ANXA4: variants seen among roughly 807,000 people sequenced by gnomAD.
The protein encoded by ANXA4 is annexin A4.
Under a neutral mutation model 49.8 loss-of-function variants are expected in ANXA4, and 39 were observed. That is an observed-to-expected ratio of 0.78 (90% confidence interval 0.61 to 1.02). The LOEUF is 1.02. Among genes scored for constraint, ANXA4 ranks in the 50% least tolerant of loss-of-function variants. The probability of loss-of-function intolerance (pLI) is 0.00; values close to 1 mark genes in which losing one functional copy is unlikely to be tolerated. For synonymous variants in ANXA4, 134 were observed against 152.5 expected, an observed-to-expected ratio of 0.88 and a Z score of 0.89; for missense variants, 360 against 410.1, an observed-to-expected ratio of 0.88 and a Z score of 1.05.
At chr2:69,697,686 C>A (rs992795639) in intron 2 of ANXA4, among the ~76,000 whole-genome samples, 4 of 152,114 alleles carry the variant, frequency 2.6e-5, no homozygotes, top group Non-Finnish European at 5.9e-5. Flanking sequence ...CACTGAGAGG[C>A]CATCGTAGGG....
chr2:69,722,764 A>G (rs1223543930), intron 3 of ANXA4, among the ~76,000 whole-genome samples: 5 of 152,150 alleles, frequency 3.3e-5, no homozygotes, highest in Admixed American at 1.3e-4. Flanking sequence ...TTAAAACGGC[A>G]AATTTTATGT....
At chr2:69,689,958 A>T in intron 2 of ANXA4, among the ~76,000 whole-genome samples, 1 of 152,062 alleles carries the variant, frequency 6.6e-6, no homozygotes, top group Non-Finnish European at 1.5e-5. Flanking sequence ...TCATATATCA[A>T]ATTCTCTCTT....
chr2:69,643,976 G>A (rs1451973708), upstream of ANXA4: 9 of 871,110 alleles, frequency 1.0e-5, no homozygotes, highest in Non-Finnish European at 1.3e-5. Flanking sequence ...CCGAGCCGCA[G>A]GGCAAGCTGG....
intron 3 of ANXA4, among the ~76,000 whole-genome samples, chr2:69,724,496 A>G (rs1476761155): frequency 6.6e-6 from 1 of 152,182 alleles, no homozygotes; most frequent in African/African-American, 2.4e-5. Context: ...TTGTGTCCCC[A>G]GCTGTCACCA....
At chr2:69,804,910 T>G (rs927096789) in intron 4 of ANXA4, among the ~76,000 whole-genome samples, 1 of 151,950 alleles carries the variant, frequency 6.6e-6, no homozygotes, top group African/African-American at 2.4e-5. Flanking sequence ...TAGCCGGGCA[T>G]GGTGCTGAGC....
chr2:69,799,234 C>G (rs1573282090), intron 3 of ANXA4, among the ~76,000 whole-genome samples: 1 of 152,222 alleles, frequency 6.6e-6, no homozygotes, highest in East Asian at 1.9e-4. Flanking sequence ...TGTGTCTGTT[C>G]CCATACATCT....
At chr2:69,797,868 C>A (rs1158396410) in intron 3 of ANXA4, among the ~76,000 whole-genome samples, 1 of 152,204 alleles carries the variant, frequency 6.6e-6, no homozygotes, top group Non-Finnish European at 1.5e-5. Flanking sequence ...AAGCCAGAGA[C>A]TTTTAGCAAA....
intron 1 of ANXA4, among the ~76,000 whole-genome samples, chr2:69,764,029 T>TA (rs1256802055): frequency 2.6e-5 from 4 of 152,206 alleles, no homozygotes; most frequent in Non-Finnish European, 5.9e-5. Context: ...CAACAAAAGA[T>TA]ACCATCGTTA....
At chr2:69,714,597 C>T (rs1331743127) in intron 2 of ANXA4, among the ~76,000 whole-genome samples, 1 of 152,208 alleles carries the variant, frequency 6.6e-6, no homozygotes, top group African/African-American at 2.4e-5. Context: ...CCATTAACCT[C>T]CTGTGTTGTC....
rs1043154224 is a variant in ANXA4, at chr2:69,826,887, T to TGAAAA, written c.*1375_*1376insAAGAA. The stretch of plus-strand genomic sequence containing the variant: ...CTTGGCCCCTGAAAGGAGCTATTTT[T>TGAAAA]GAAGGACTTGTGTTACTCAGTTTCT... On this transcript the variant is annotated 3_prime_UTR_variant, in exon 13 of 13. Transcript: ENST00000394295. 2 of 152,168 alleles carry TGAAAA rather than the reference T, an allele frequency of 1.3e-5. No individual in the cohort carries two copies. Among genetic ancestry groups the TGAAAA allele is most frequent in the African/African-American group, 4.8e-5 (2 of 41,416 alleles). The allele number at this position is 152,168 out of a possible 1,614,324, so 9.4% of individuals were successfully genotyped here.
At chr2:69,818,762 A>T in intron 10 of ANXA4, 68 bp downstream of exon 10, 1 of 954,348 alleles carries the variant, frequency 1.0e-6, no homozygotes, top group Non-Finnish European at 1.6e-6. Context: ...AGTTTGCAAT[A>T]TGGGGATATA....
At chr2:69,774,169 T>C (rs1157769041) in intron 1 of ANXA4, among the ~76,000 whole-genome samples, 1 of 152,068 alleles carries the variant, frequency 6.6e-6, no homozygotes, top group Non-Finnish European at 1.5e-5. Context: ...CTAAGACTAG[T>C]CCGTGACTCT....
chr2:69,825,363 C>A, intron 12 of ANXA4, 93 bp from the exon 13 acceptor site: 3 of 1,007,978 alleles, frequency 3.0e-6, no homozygotes, highest in East Asian at 2.5e-5. Context: ...TAAGAAAAAT[C>A]CAGCCAAGCT....
At chr2:69,723,789 A>G (rs945561639) in intron 3 of ANXA4, among the ~76,000 whole-genome samples, 1 of 152,116 alleles carries the variant, frequency 6.6e-6, no homozygotes, top group African/African-American at 2.4e-5. Context: ...GGCTCAAGTC[A>G]TCCTCCCACG....
chr2:69,771,109 G>GAAAAAAAAAAAAAAAAAAA, intron 1 of ANXA4, among the ~76,000 whole-genome samples: 1 of 104,750 alleles, frequency 9.5e-6, no homozygotes, highest in Non-Finnish European at 2.0e-5. Context: ...AAAAAAAAAA[G>GAAAAAAAAAAAAAAAAAAA]AAAAAAAAAA....
At chr2:69,726,514 C>A (rs554911171) in intron 3 of ANXA4, among the ~76,000 whole-genome samples, 1 of 152,156 alleles carries the variant, frequency 6.6e-6, no homozygotes, top group Non-Finnish European at 1.5e-5. Flanking sequence ...AGATTGACTT[C>A]TTTAATATAA....
intron 1 of ANXA4, among the ~76,000 whole-genome samples, chr2:69,774,161 A>G (rs1281815563): frequency 6.6e-6 from 1 of 151,896 alleles, no homozygotes; most frequent in African/African-American, 2.4e-5. Context: ...CCACCCTGCT[A>G]AGACTAGTCC....
chr2:69,761,000 AAATTAATT>A (rs780031130), intron 1 of ANXA4, among the ~76,000 whole-genome samples: 2 of 151,050 alleles, frequency 1.3e-5, no homozygotes, highest in Non-Finnish European at 2.9e-5. Context: ...CGTCTCTATT[AAATTAATT>A]AATTAATTAA....
At chr2:69,680,929 A>G (rs181772387) in intron 2 of ANXA4, among the ~76,000 whole-genome samples, 1 of 152,232 alleles carries the variant, frequency 6.6e-6, no homozygotes, top group African/African-American at 2.4e-5. Context: ...GGATTTTTGC[A>G]TCTGTGTTCA....
Sources: allele counts gnomAD v4.1 joint callset (sites outside exome capture counted in the v4.1 genomes callset), GRCh38; gene constraint gnomAD v4.1.1; transcripts MANE v1.5; gene names NCBI Gene and HGNC (gene_info 2026-07-23, HGNC 2026-07-21).